Variants in EXOC3L1 observed in about 807,000 individuals in gnomAD.
The protein encoded by EXOC3L1 is exocyst complex component 3 like 1.
EXOC3L1 carries 79 observed loss-of-function variants against 83.6 expected under a neutral mutation model. The ratio of observed to expected loss-of-function variants is 0.95; its 90% CI spans 0.79 to 1.14. The LOEUF is 1.14. Ranked by LOEUF, EXOC3L1 falls within the 50% of genes most tolerant of loss-of-function variation. EXOC3L1 has a pLI of 0.00. For missense variants in EXOC3L1, 945 were observed against 972.0 expected, an observed-to-expected ratio of 0.97 and a Z score of 0.37; for synonymous variants, 433 against 451.2, an observed-to-expected ratio of 0.96 and a Z score of 0.51.
chr16:67,185,709 C>A, intron 9 of EXOC3L1: 1 of 579,376 alleles, frequency 1.7e-6, no homozygotes, highest in Non-Finnish European at 3.1e-6. Flanking sequence ...GCCTCAAATT[C>A]GCGGTGCGTC....
intron 2 of EXOC3L1, 100 bp from the exon 3 acceptor site, chr16:67,189,280 GTTTA>G (rs2145991000): frequency 5.8e-6 from 7 of 1,214,046 alleles, no homozygotes; most frequent in South Asian, 1.9e-5. Flanking sequence ...TTATTTGTTT[GTTTA>G]TTTGTTTATT....
In EXOC3L1 at chr16:67,187,902, AG is replaced by A. The variant is rs1043065931; in HGVS notation, c.428-66del. ...TTCCCACCGCCTCAATGTGTACAGCAGGGGATACTGAGGCCCAGGGCGGGGG... is the reference window on the plus strand; with the variant it reads ...TTCCCACCGCCTCAATGTGTACAGCAGGGATACTGAGGCCCAGGGCGGGGG... On this transcript the variant is annotated intron_variant, in intron 4 of 13. Transcript: ENST00000314586. 1.1e-5 allele frequency: 17 copies of A among 1,504,380 alleles called. No individual in the cohort carries two copies. In the Admixed American group the frequency reaches 3.8e-4, roughly 34 times the overall value. The allele number at this position is 1,504,380 out of a possible 1,614,324, so 93.2% of individuals were successfully genotyped here.
Position 67,187,115 on chromosome 16 carries a change from T to A in EXOC3L1, c.1064A>T (p.Glu355Val). 1 of 1,613,362 alleles carries A rather than the reference T, an allele frequency of 6.2e-7. No individual in the cohort carries two copies. The part of the protein sequence containing the change: ...YLGQEMMGSL[E>V]LGPEADVSQL... ...GGACACATCAGCCTCAGGCCCCAAC[T>A]CCAGGCTCCCCATCATTTCCTGCCT... Residue 355 changes from glutamate to valine, a missense_variant, in exon 6 of 14, where the codon GAG becomes GTG. Transcript: ENST00000314586.
rs1198941852 is a variant in EXOC3L1 at position 67,187,416 on chromosome 16, C to A, written c.849G>T (p.Leu283=). 1 of 1,611,564 alleles carries A rather than the reference C, an allele frequency of 6.2e-7. No homozygotes were observed. The highest frequency in any genetic ancestry group is 1.1e-5 in the South Asian group (1 of 91,066). The part of the protein sequence containing the change: ...PGWLEALRVA[L]PVELATAEAL... The stretch of plus-strand genomic sequence containing the variant: ...CCTCAGCTGTGGCCAACTCGACTGG[C>A]AGGGCCACTCGCAGAGCCTCCAGCC... The change falls in exon 5 of 14, where the codon CTG becomes CTT. Residue 283 remains leucine, a synonymous_variant. Coordinates refer to ENST00000314586, the MANE Select transcript of EXOC3L1 (RefSeq NM_178516.4).
Position 67,187,561 on chromosome 16 carries a change from G to A in EXOC3L1, c.704C>T (p.Thr235Ile), listed in dbSNP as rs757595093. ...RVAEVETGRTTPLGQVPRDWR... is the reference protein window; with the variant it reads ...RVAEVETGRTIPLGQVPRDWR... The stretch of plus-strand genomic sequence containing the variant: ...GTCCCGGGGGACCTGGCCCAGGGGG[G>A]TTGTTCGTCCAGTCTCCACCTCCGC... The change falls in exon 5 of 14, where the codon ACC becomes ATC. Residue 235 changes from threonine to isoleucine, a missense_variant. By Grantham distance (89) the Thr-to-Ile change is moderately conservative (BLOSUM62 -1). Transcript: ENST00000314586. The A allele has an allele frequency of 1.9e-6, 3 of 1,603,896 alleles. No homozygotes were observed. The highest frequency in any genetic ancestry group is 1.7e-4 in the Middle Eastern group (1 of 6,052).
intron 12 of EXOC3L1, 30 bp from the exon 13 acceptor site, chr16:67,184,840 A>G (rs1025548072): frequency 8.1e-6 from 13 of 1,606,970 alleles, no homozygotes; most frequent in Non-Finnish European, 1.0e-5. Context: ...GTCTCGCGCC[A>G]GCCCTCTCTC....
At chr16:67,187,935 A>G (rs1394129382) in intron 4 of EXOC3L1, 98 bp from the exon 5 acceptor site, 3 of 1,448,866 alleles carry the variant, frequency 2.1e-6, no homozygotes, top group Non-Finnish European at 2.7e-6. Flanking sequence ...GGGGTGATGC[A>G]TAAAATATTT....
chr16:67,185,086 G>A (rs1313111539), intron 11 of EXOC3L1, 29 bp from the exon 12 acceptor site: 2 of 1,612,084 alleles, frequency 1.2e-6, no homozygotes, highest in Non-Finnish European at 1.7e-6. Flanking sequence ...GCGGGTGCAG[G>A]TCGCCTCTCA....
In EXOC3L1 at chr16:67,187,710, C is replaced by G; in HGVS notation, c.555G>C (p.Leu185Phe). ...DTWAPLGGLE[L>F]PVFQGLDLLF... ...GAAGGTCCAGCCCCTGGAAGACTGG[C>G]AACTCCAGGCCCCCCAGGGGTGCCC... The change falls in exon 5 of 14, where the codon TTG becomes TTC. Residue 185 changes from leucine (L) to phenylalanine (F), a missense_variant. Coordinates refer to ENST00000314586, the MANE Select transcript of EXOC3L1 (RefSeq NM_178516.4). The G allele has an allele frequency of 1.2e-6, 2 of 1,613,088 alleles. No homozygotes were observed. The highest frequency in any genetic ancestry group is 1.7e-6 in the Non-Finnish European group (2 of 1,180,014).
chr16:67,185,403 C>T lies in EXOC3L1; in HGVS notation c.1584G>A (p.Arg528=). The T allele has an allele frequency of 6.2e-7, 1 of 1,612,664 alleles. No homozygotes were observed. Among genetic ancestry groups the T allele is most frequent in the Non-Finnish European group, 8.5e-7 (1 of 1,180,034 alleles). The change falls in exon 10 of 14, where the codon AGG becomes AGA. Residue 528 remains arginine (R), a synonymous_variant. Coordinates refer to ENST00000314586, the MANE Select transcript of EXOC3L1 (RefSeq NM_178516.4). ...VEAALDELQR[R]IYRLVLEALQ... is the part of the protein sequence containing the mutation. The stretch of plus-strand genomic sequence containing the variant: ...GCGCCTCCAACACCAAGCGGTAGAT[C>T]CTCCTCTGCAACTCGTCCAGCGCAG...
In EXOC3L1 at chr16:67,187,500, G is replaced by A; in HGVS notation, c.765C>T (p.Gly255=). The change falls in exon 5 of 14, where the codon GGC becomes GGT. Residue 255 remains glycine (G), a synonymous_variant. Transcript: ENST00000314586. Reference sequence around the variant, plus strand: ...GTGACCCAAAGTGGGCCTGCTCCAGGCCCTCCTGTAGTGCCCTCAGACAGC... The same window carrying A: ...GTGACCCAAAGTGGGCCTGCTCCAGACCCTCCTGTAGTGCCCTCAGACAGC... The part of the protein sequence containing the change: ...RQRCLRALQE[G]LEQAHFGSPL... 1 of 1,604,126 alleles carries A rather than the reference G, an allele frequency of 6.2e-7. No homozygotes were observed.
Position 67,184,604 on chromosome 16 carries a change from G to C in EXOC3L1, c.2031C>G (p.Ser677Arg). 1 of 1,583,548 alleles carries C rather than the reference G, an allele frequency of 6.3e-7. No individual in the cohort carries two copies. Among genetic ancestry groups the C allele is most frequent in the Non-Finnish European group, 8.5e-7 (1 of 1,170,746 alleles). Residue 677 changes from serine (S) to arginine (R), a missense_variant and splice_region_variant, in exon 14 of 14, where the codon AGC becomes AGG. Ser to Arg is a moderately radical substitution (Grantham distance 110). Coordinates refer to ENST00000314586, the MANE Select transcript of EXOC3L1 (RefSeq NM_178516.4). The part of the protein sequence containing the change: ...AGLRQQFPDV[S>R]EDHVSALLGL... ...CCAAGAGGGCGGAGACGTGGTCCTC[G>C]CTGCAGGGGCACCAAGGAGGCGCGT...
rs774633963 is a variant in EXOC3L1 at position 67,184,952 on chromosome 16, C to A, written c.1855G>T (p.Glu619Ter). The A allele has an allele frequency of 6.2e-7, 1 of 1,610,960 alleles. No individual in the cohort carries two copies. Residue 619 changes from glutamate (E) to a stop codon, truncating the protein, a stop_gained, in exon 12 of 14, where the codon GAG becomes TAG. Transcript: ENST00000314586. LOFTEE classifies it high-confidence loss of function. The part of the protein sequence containing the change: ...RGADERTQAA[E>*]RLRHDAAQLQ... The stretch of plus-strand genomic sequence containing the variant: ...TGGGCAGCATCGTGCCGCAGGCGCT[C>A]GGCCGCCTGGGTCCTCTCGTCGGCT...
Position 67,187,066 on chromosome 16 carries a change from C to T in EXOC3L1, c.1113G>A (p.Leu371=). The part of the protein sequence containing the change: ...DVSQLEPLLT[L]ENIEQLEATF... ...TTGCCTCCAGCTGCTCAATGTTCTCCAAGGTCAGAAGGGGCTCCAGCTGGG... is the reference window on the plus strand; with the variant it reads ...TTGCCTCCAGCTGCTCAATGTTCTCTAAGGTCAGAAGGGGCTCCAGCTGGG... Residue 371 remains leucine (L), a synonymous_variant, in exon 6 of 14, where the codon TTG becomes TTA. Coordinates refer to ENST00000314586, the MANE Select transcript of EXOC3L1 (RefSeq NM_178516.4). 1.2e-6 allele frequency: 2 copies of T among 1,613,746 alleles called. No individual in the cohort carries two copies. Among genetic ancestry groups the T allele is most frequent in the Non-Finnish European group, 1.7e-6 (2 of 1,180,018 alleles).
In EXOC3L1 at chr16:67,187,368, C is replaced by T. The variant is rs756458365; in HGVS notation, c.897G>A (p.Pro299=). 1.2e-5 allele frequency: 19 copies of T among 1,612,620 alleles called. No individual in the cohort carries two copies. The highest frequency in any genetic ancestry group is 3.3e-4 in the Middle Eastern group (2 of 6,084). ...ATAGCTGGACCACGTTGTACTGTGG[C>T]GGGCAGCAAGGCGCTACTAGTGCCT... ...TAEALVAPCC[P]PQYNVVQLWA... The change falls in exon 5 of 14, where the codon CCG becomes CCA. Residue 299 remains proline, a synonymous_variant. Transcript: ENST00000314586.
In EXOC3L1 at chr16:67,189,703, G is replaced by T; in HGVS notation, c.-7-20C>A. ...GTGGGCCTGGAGGAGCCAGAGCTGA[G>T]GTGGGCCCGGGGCAAGCAGGCAGAG... On this transcript the variant is annotated intron_variant, in intron 1 of 13. Transcript: ENST00000314586. 1 of 1,613,386 alleles carries T rather than the reference G, an allele frequency of 6.2e-7. No individual in the cohort carries two copies. The highest frequency in any genetic ancestry group is 1.1e-5 in the South Asian group (1 of 90,890).
chr16:67,185,353 G>T lies in EXOC3L1; in HGVS notation c.1626+8C>A. On this transcript the variant is annotated splice_region_variant and intron_variant, in intron 10 of 13. Coordinates refer to ENST00000314586, the MANE Select transcript of EXOC3L1 (RefSeq NM_178516.4). ...CCTGCTCCCATCCTGACCTGAAGGA[G>T]GCCTCACCTGGAGCTCCGCCTGCAG... The T allele has an allele frequency of 1.2e-6, 2 of 1,612,850 alleles. No individual in the cohort carries two copies. Among genetic ancestry groups the T allele is most frequent in the South Asian group, 1.1e-5 (1 of 91,082 alleles).
chr16:67,185,856 A>AGTGT (rs112113522), intron 9 of EXOC3L1, among the ~76,000 whole-genome samples: 5 of 151,712 alleles, frequency 3.3e-5, no homozygotes, highest in South Asian at 2.1e-4. Context: ...AGAGGAAGGG[A>AGTGT]GTGTGTGTGT....
rs759045894 is a variant in EXOC3L1, at chr16:67,184,747, G to A, written c.1969C>T (p.Arg657Cys). 1.9e-6 allele frequency: 3 copies of A among 1,589,140 alleles called. No individual in the cohort carries two copies. The highest frequency in any genetic ancestry group is 1.7e-5 in the Admixed American group (1 of 59,050). Residue 657 changes from arginine (R) to cysteine (C), a missense_variant, in exon 13 of 14, where the codon CGC becomes TGC. Physicochemically the swap from Arg to Cys is radical, Grantham distance 180. Transcript: ENST00000314586. ...LLALRELLNL[R>C]DPALLGLEVA... ...TCCAGGCCCAGCAGCGCGGGGTCGC[G>A]GAGGTTTAGCAGCTCCCTCAGGGCG... is the stretch of plus-strand genomic sequence containing the variant.
Sources: allele counts gnomAD v4.1 joint callset (sites outside exome capture counted in the v4.1 genomes callset), GRCh38; gene constraint gnomAD v4.1.1; transcripts MANE v1.5; gene names NCBI Gene and HGNC (gene_info 2026-07-23, HGNC 2026-07-21).